The following SLC37A3 variants were observed in gnomAD, a reference collection of about 807,000 sequenced individuals.
SLC37A3 encodes solute carrier family 37 member 3.
A neutral mutation model predicts 67.1 loss-of-function variants in SLC37A3; 51 were observed. That is an observed-to-expected ratio of 0.76 (90% CI 0.61 to 0.96). The LOEUF (loss-of-function observed/expected upper bound fraction) is 0.96, where lower values mean the gene tolerates loss of function less well. SLC37A3 is among the 40% of genes least tolerant of loss of function. SLC37A3 has a pLI of 0.00. For missense variants in SLC37A3, 508 were observed against 603.0 expected (o/e 0.84, Z 1.65); for synonymous variants, 214 against 231.4 (o/e 0.92, Z 0.68).
chr7:140,390,220 C>A (rs1161772764), intron 1 of SLC37A3, among the ~76,000 whole-genome samples: 1 of 152,154 alleles, frequency 6.6e-6, no homozygotes, highest in Admixed American at 6.5e-5. Flanking sequence ...CACATACCCA[C>A]TCTGCCCCAT....
At chr7:140,378,046 A>G (rs1798102602) in intron 3 of SLC37A3, among the ~76,000 whole-genome samples, 1 of 152,190 alleles carries the variant, frequency 6.6e-6, no homozygotes, top group Non-Finnish European at 1.5e-5. Flanking sequence ...TTAATCACCA[A>G]ACTAGGGGTG....
At chr7:140,336,155 T>C (rs1354657768) in intron 14 of SLC37A3, among the ~76,000 whole-genome samples, 2 of 152,244 alleles carry the variant, frequency 1.3e-5, no homozygotes, top group African/African-American at 4.8e-5. Flanking sequence ...TGCCTGAGTA[T>C]GTCACAGCTC....
chr7:140,335,848 G>C (rs1197643300), intron 14 of SLC37A3, among the ~76,000 whole-genome samples: 1 of 152,210 alleles, frequency 6.6e-6, no homozygotes, highest in African/African-American at 2.4e-5. Context: ...ACATCAGAAA[G>C]TTCATCACAA....
chr7:140,394,559 C>A (rs1461819411), intron 1 of SLC37A3, among the ~76,000 whole-genome samples: 2 of 149,020 alleles, frequency 1.3e-5, no homozygotes, highest in African/African-American at 4.9e-5. Flanking sequence ...GAGGCTGAGG[C>A]AGCAGTGAGC....
intron 4 of SLC37A3, among the ~76,000 whole-genome samples, chr7:140,367,055 T>C (rs548330780): frequency 1.3e-5 from 2 of 152,168 alleles, no homozygotes; most frequent in South Asian, 4.1e-4. Context: ...GCAGAATTGC[T>C]TGAACCCAGG....
rs186719534 is a variant in SLC37A3 at position 140,348,914 on chromosome 7, C to T, written c.883-147G>A. 6 of 936,556 alleles carry T rather than the reference C, an allele frequency of 6.4e-6. No homozygotes were observed. The East Asian group carries it at 1.1e-4, about 17-fold the overall frequency. 58.0% of individuals were successfully genotyped at this position (936,556 alleles called of 1,614,324 possible). ...AGTTAAACATCTCTACAAACTCCCA[C>T]ATGCCTGACTTCAGCTAGTCTCCCT... On this transcript the variant is annotated intron_variant, in intron 9 of 14. Coordinates refer to ENST00000326232, the MANE Select transcript of SLC37A3 (RefSeq NM_207113.3).
At chr7:140,348,495 T>C (rs1298651662) in intron 10 of SLC37A3, 131 bp downstream of exon 10, 4 of 899,392 alleles carry the variant, frequency 4.4e-6, no homozygotes, top group African/African-American at 3.5e-5. Flanking sequence ...GGCTGTTTAC[T>C]AGTAGGACAG....
In SLC37A3 at chr7:140,361,719, T is replaced by C. The variant is rs1797306908; in HGVS notation, c.375+2689A>G. Among the ~76,000 whole-genome samples, 4 of 149,748 alleles carry C rather than the reference T, an allele frequency of 2.7e-5. No homozygotes were observed. The South Asian group carries it at 8.6e-4, about 32-fold the overall frequency. On this transcript the variant is annotated intron_variant, in intron 5 of 14. Coordinates refer to ENST00000326232, the MANE Select transcript of SLC37A3 (RefSeq NM_207113.3). The stretch of plus-strand genomic sequence containing the variant: ...GCGCGCCGCCACGCCTGACTGGTTT[T>C]CGTTTTTTTTTTGGTGGAGACGGGG...
intron 1 of SLC37A3, among the ~76,000 whole-genome samples, chr7:140,394,546 T>C (rs1375635197): frequency 6.7e-6 from 1 of 148,938 alleles, no homozygotes; most frequent in East Asian, 2.1e-4. Flanking sequence ...CACTTGAGCC[T>C]GGGAGGCTGA....
intron 13 of SLC37A3, among the ~76,000 whole-genome samples, chr7:140,342,149 A>G (rs1796384465): frequency 6.6e-6 from 1 of 152,236 alleles, no homozygotes; most frequent in East Asian, 1.9e-4. Context: ...AGAGACAGAC[A>G]TTAACAAGTG....
Position 140,396,927 on chromosome 7 carries a change from C to T in SLC37A3, c.-71+1489G>A, listed in dbSNP as rs1798956308. 4.9e-5 allele frequency among the ~76,000 whole-genome samples: 7 copies of T among 142,728 alleles called. No individual in the cohort carries two copies. In the South Asian group the frequency reaches 1.5e-3, roughly 31 times the overall value. 93.6% of individuals were successfully genotyped at this position (142,728 alleles called of 152,430 possible). On this transcript the variant is annotated intron_variant, in intron 1 of 14. Transcript: ENST00000326232. ...TTTTTTGACAGAGTCTGAGGCCGGG[C>T]GCAGTGGCTCACGCCTGTAATTACA... is the stretch of plus-strand genomic sequence containing the variant.
chr7:140,353,860 C>T (rs757169030), intron 7 of SLC37A3, among the ~76,000 whole-genome samples: 10 of 151,996 alleles, frequency 6.6e-5, no homozygotes, highest in Non-Finnish European at 1.3e-4. Context: ...TACAGGTGCC[C>T]GTGACCACGC....
rs781138164 is a variant in SLC37A3, at chr7:140,335,447, C to A, written c.1450G>T (p.Val484Leu). The change falls in exon 15 of 15, where the codon GTG becomes TTG. Residue 484 changes from valine (V) to leucine (L), a missense_variant. By Grantham distance (32) the Val-to-Leu change is conservative (BLOSUM62 1). Transcript: ENST00000326232. The part of the protein sequence containing the change: ...PLIVREIFSL[V>L]LRRQAHILRE ...AATATGTGAGCCTGTCTCCTTAGCA[C>A]GAGAGAGAATATTTCCCTCACTATT... is the stretch of plus-strand genomic sequence containing the variant. 17 of 1,614,008 alleles carry A rather than the reference C, an allele frequency of 1.1e-5. No individual in the cohort carries two copies. The highest frequency in any genetic ancestry group is 1.4e-5 in the Non-Finnish European group (17 of 1,180,024).
At chr7:140,377,264 T>C (rs1798071910) in intron 3 of SLC37A3, among the ~76,000 whole-genome samples, 1 of 151,556 alleles carries the variant, frequency 6.6e-6, no homozygotes, top group South Asian at 2.1e-4. Flanking sequence ...GTGGTCTCTC[T>C]ATGTTGCCCA....
chr7:140,372,044 G>A (rs1797842143), intron 3 of SLC37A3, among the ~76,000 whole-genome samples: 1 of 152,000 alleles, frequency 6.6e-6, no homozygotes, highest in African/African-American at 2.4e-5. Context: ...TAGAGACGGG[G>A]TTTCACCATG....
chr7:140,362,903 G>GGGC (rs1797413586), intron 5 of SLC37A3, among the ~76,000 whole-genome samples: 1 of 57,260 alleles, frequency 1.7e-5, no homozygotes, highest in South Asian at 1.2e-3. Context: ...GAGGGAGGCG[G>GGGC]GGGGGGGGGT....
chr7:140,378,715 G>A (rs762857202), intron 3 of SLC37A3, among the ~76,000 whole-genome samples: 23 of 146,470 alleles, frequency 1.6e-4, no homozygotes, highest in Non-Finnish European at 2.7e-4. Context: ...CCAGCCTGGC[G>A]ATAGAGCAAG....
At chr7:140,350,034 G>A (rs540777161) in intron 9 of SLC37A3, among the ~76,000 whole-genome samples, 1 of 152,074 alleles carries the variant, frequency 6.6e-6, no homozygotes, top group Non-Finnish European at 1.5e-5. Context: ...TCTCAGCTTG[G>A]AGGCACTGAC....
In SLC37A3 at chr7:140,358,527, C is replaced by T. The variant is rs1305810910; in HGVS notation, c.521+113G>A. 22 of 1,415,048 alleles carry T rather than the reference C, an allele frequency of 1.6e-5. No individual in the cohort carries two copies. The East Asian group carries it at 3.9e-4, about 25-fold the overall frequency. The allele number at this position is 1,415,048 out of a possible 1,614,324, so 87.7% of individuals were successfully genotyped here. A position where few individuals can be genotyped will look rare whatever the true frequency, so the allele number is the denominator to read the frequency against. ...TCCCTGAACAACTCTGACTTGCTAA[C>T]GAAAGATGTGGGTGGTATCTAAGGC... On this transcript the variant is annotated intron_variant, in intron 6 of 14. Transcript: ENST00000326232.
Sources: gnomAD v4.1 joint callset for allele counts (sites outside exome capture counted in the v4.1 genomes callset) on GRCh38, gnomAD v4.1.1 for gene constraint, MANE v1.5 for transcripts, NCBI Gene and HGNC (gene_info 2026-07-23, HGNC 2026-07-21) for gene names.